EMC1: variants seen among roughly 807,000 people sequenced by gnomAD.
EMC1 encodes the protein KIAA0090.
In EMC1, 103 loss-of-function variants were observed where a neutral mutation model predicts 128.8. The observed-to-expected ratio is 0.80, with a 90% CI of 0.68 to 0.94. The LOEUF is 0.94. EMC1 is among the 40% of genes least tolerant of loss of function. EMC1 has a pLI of 0.00. For missense variants in EMC1, 1,083 were observed against 1,250.6 expected (o/e 0.87, Z 2.02); for synonymous variants, 442 against 490.4 (o/e 0.90, Z 1.30).
intron 18 of EMC1, among the ~76,000 whole-genome samples, chr1:19,226,646 C>T (rs941876723): frequency 3.9e-5 from 6 of 151,988 alleles, no homozygotes; most frequent in African/African-American, 1.4e-4. Flanking sequence ...CCTCAACCTC[C>T]CCAGGCTCAG....
chr1:19,240,749 C>T (rs1221498354), intron 6 of EMC1: 8 of 574,718 alleles, frequency 1.4e-5, no homozygotes, highest in Non-Finnish European at 2.2e-5. Context: ...TATGTGGTGT[C>T]CTACTGTGAT....
At chr1:19,223,673 T>A (rs758837761) in intron 18 of EMC1, 104 bp from the exon 19 acceptor site, 3 of 1,065,856 alleles carry the variant, frequency 2.8e-6, no homozygotes, top group Non-Finnish European at 4.1e-6. Flanking sequence ...GGCAGAGGAA[T>A]CAGGGTTTCT....
Position 19,232,946 on chromosome 1 carries a change from G to A in EMC1, c.1622C>T (p.Ala541Val), listed in dbSNP as rs2093535088. ...NLQKMMVMVT[A>V]SGKLFGIESS... ...TTAAACCCCACTCACCTTGCCTGAG[G>A]CTGTTACCATCACCATCATCTTCTG... is the stretch of plus-strand genomic sequence containing the variant. The change falls in exon 14 of 23, where the codon GCC becomes GTC. Residue 541 changes from alanine (A) to valine (V), a missense_variant. Physicochemically the swap from Ala to Val is moderately conservative, Grantham distance 64. Transcript: ENST00000477853. 1 of 1,614,000 alleles carries A rather than the reference G, an allele frequency of 6.2e-7. No homozygotes were observed. Among genetic ancestry groups the A allele is most frequent in the Admixed American group, 1.7e-5 (1 of 60,018 alleles).
rs763250216 is a variant in EMC1 at position 19,240,453 on chromosome 1, A to G, written c.637-7T>C. ...ACGGAGTTGAAACCCTAACCTACAG[A>G]AAAGTCATCGTTAACAGGAAGCTCG... On this transcript the variant is annotated splice_region_variant and splice_polypyrimidine_tract_variant and intron_variant, in intron 6 of 22. Coordinates refer to ENST00000477853, the MANE Select transcript of EMC1 (RefSeq NM_015047.3). 5.0e-6 allele frequency: 8 copies of G among 1,613,878 alleles called. No individual in the cohort carries two copies. In the East Asian group the frequency reaches 1.8e-4, roughly 36 times the overall value.
chr1:19,220,914 CATT>C, intron 20 of EMC1, 66 bp from the exon 21 acceptor site: 1 of 1,160,144 alleles, frequency 8.6e-7, no homozygotes. Flanking sequence ...ACAAAAATGT[CATT>C]ATTGCAGACA....
chr1:19,223,331 G>A (rs2093446311), intron 19 of EMC1, 65 bp downstream of exon 19: 1 of 1,450,566 alleles, frequency 6.9e-7, no homozygotes, highest in African/African-American at 1.4e-5. Flanking sequence ...CTGGGTTTCT[G>A]GAAAGGACTC....
chr1:19,233,516 G>C (rs1232527916), intron 13 of EMC1, among the ~76,000 whole-genome samples: 1 of 152,214 alleles, frequency 6.6e-6, no homozygotes, highest in Admixed American at 6.5e-5. Context: ...TATGAGTGTG[G>C]GGGTGGAGGG....
chr1:19,227,041 C>G (rs999741071), intron 18 of EMC1, among the ~76,000 whole-genome samples: 1 of 150,120 alleles, frequency 6.7e-6, no homozygotes, highest in African/African-American at 2.4e-5. Flanking sequence ...AACAAACAAA[C>G]AAAAAAAAAG....
At chr1:19,219,986 G>A (rs752214408) in intron 21 of EMC1, 4 of 378,144 alleles carry the variant, frequency 1.1e-5, no homozygotes, top group African/African-American at 2.0e-5. Flanking sequence ...GAGGAAAGCC[G>A]ACCATTTTAA....
chr1:19,220,813 T>C lies in EMC1; in HGVS notation c.2623A>G (p.Lys875Glu). The C allele has an allele frequency of 1.9e-6, 3 of 1,613,380 alleles. No individual in the cohort carries two copies. The highest frequency in any genetic ancestry group is 2.5e-6 in the Non-Finnish European group (3 of 1,179,802). Reference sequence around the variant, plus strand: ...GGGCGGCGGGGATCCAGCAAAGCCTTAGGAAGGGAAAGAATTGCTCCAGAA... The same window carrying C: ...GGGCGGCGGGGATCCAGCAAAGCCTCAGGAAGGGAAAGAATTGCTCCAGAA... ...LPSGAILSLPKALLDPRRPEI... is the reference protein window; with the variant it reads ...LPSGAILSLPEALLDPRRPEI... Residue 875 changes from lysine (K) to glutamate (E), a missense_variant, in exon 21 of 23, where the codon AAG (lysine) becomes GAG (glutamate). Lys to Glu is a moderately conservative substitution (Grantham distance 56). Around this residue, in one of 3 missense-constraint regions of EMC1, gnomAD observed 527 missense variants for 644.1 expected, o/e 0.82. Transcript: ENST00000477853.
intron 18 of EMC1, among the ~76,000 whole-genome samples, chr1:19,224,579 C>T (rs775169143): frequency 2.0e-5 from 3 of 152,194 alleles, no homozygotes; most frequent in Non-Finnish European, 2.9e-5. Context: ...TCCTTCCCAC[C>T]TCCATGCTAC....
At chr1:19,231,108 G>T in intron 16 of EMC1, 145 bp from the exon 17 acceptor site, 3 of 1,314,524 alleles carry the variant, frequency 2.3e-6, no homozygotes, top group Non-Finnish European at 2.1e-6. Context: ...TTTCACAAAT[G>T]CAGACACAGC....
rs774813068 is a variant in EMC1 at position 19,243,671 on chromosome 1, C to T, written c.323G>A (p.Arg108His). 5 of 1,614,186 alleles carry T rather than the reference C, an allele frequency of 3.1e-6. No homozygotes were observed. Among genetic ancestry groups the T allele is most frequent in the South Asian group, 2.2e-5 (2 of 91,078 alleles). ...GCCCCCGATGTTAGTCTCCCAGGAACGCATGATTCGGCCTCCATTGGACAC... is the reference window on the plus strand; with the variant it reads ...GCCCCCGATGTTAGTCTCCCAGGAATGCATGATTCGGCCTCCATTGGACAC... ...ITVSNGGRIM[R>H]SWETNIGGLN... is the part of the protein sequence containing the mutation. Residue 108 changes from arginine to histidine, a missense_variant, in exon 4 of 23, where the codon CGT (arginine) becomes CAT (histidine). By Grantham distance (29) the Arg-to-His change is conservative. Coordinates refer to ENST00000477853, the MANE Select transcript of EMC1 (RefSeq NM_015047.3).
At chr1:19,242,519 C>G (rs1278505345) in intron 4 of EMC1, 46 bp from the exon 5 acceptor site, 1 of 1,611,562 alleles carries the variant, frequency 6.2e-7, no homozygotes, top group Admixed American at 1.7e-5. Flanking sequence ...TGCAGAGCCT[C>G]AGGCTGGGAG....
At chr1:19,220,870 TTCACACCGA>T (rs746372059) in intron 20 of EMC1, 22 bp from the exon 21 acceptor site, 99 of 1,551,864 alleles carry the variant, frequency 6.4e-5, no homozygotes, top group Non-Finnish European at 1.2e-5. Flanking sequence ...GAAGTGAATG[TTCACACCGA>T]TCCAGTGTCC....
At chr1:19,246,571 TCCGGAGTTTGAGA>T (rs972538389) in intron 1 of EMC1, among the ~76,000 whole-genome samples, 1 of 151,442 alleles carries the variant, frequency 6.6e-6, no homozygotes, top group African/African-American at 2.4e-5. Context: ...ACACTTGAGG[TCCGGAGTTTGAGA>T]CCAGCCTGGC....
chr1:19,219,163 A>T lies in EMC1; in HGVS notation c.*140T>A. The T allele has an allele frequency of 1.3e-6, 1 of 764,716 alleles. No homozygotes were observed. The allele number at this position is 764,716 out of a possible 1,614,324, so 47.4% of individuals were successfully genotyped here. ...TATATCCCAAAAGGAGTTCTGCGTGAAGGTCATCCATCTTCCCTACAGTTC... is the reference window on the plus strand; with the variant it reads ...TATATCCCAAAAGGAGTTCTGCGTGTAGGTCATCCATCTTCCCTACAGTTC... On this transcript the variant is annotated 3_prime_UTR_variant, in exon 23 of 23. Coordinates refer to ENST00000477853, the MANE Select transcript of EMC1 (RefSeq NM_015047.3).
chr1:19,220,731 C>A, intron 21 of EMC1, 33 bp downstream of exon 21: 1 of 1,544,608 alleles, frequency 6.5e-7, no homozygotes, highest in South Asian at 1.1e-5. Context: ...TATGTAAGGT[C>A]AGAGCCTTCA....
At chr1:19,228,213 A>G (rs956174489) in intron 17 of EMC1, among the ~76,000 whole-genome samples, 2 of 151,960 alleles carry the variant, frequency 1.3e-5, no homozygotes, top group African/African-American at 4.8e-5. Context: ...CTCAAAAAAA[A>G]AAAAAAAAAG....
Sources: gnomAD v4.1 joint callset for allele counts (sites outside exome capture counted in the v4.1 genomes callset) on GRCh38, gnomAD v4.1.1 for gene constraint, gnomAD v4.1.1 regional missense constraint, MANE v1.5 for transcripts, NCBI Gene and HGNC (gene_info 2026-07-23, HGNC 2026-07-21) for gene names.